Variants in AIG1 observed in about 807,000 individuals in gnomAD.
The protein encoded by AIG1 is androgen-induced gene 1 protein.
A neutral mutation model predicts 31.4 loss-of-function variants in AIG1; 23 were observed. The observed-to-expected ratio is 0.73, with a 90% CI of 0.53 to 1.04. The LOEUF (loss-of-function observed/expected upper bound fraction) is 1.04. AIG1 is among the 50% of genes least tolerant of loss of function. The pLI is 0.00. For missense variants in AIG1, 274 were observed against 295.0 expected, an observed-to-expected ratio of 0.93 and a Z score of 0.52; for synonymous variants, 100 against 110.5, an observed-to-expected ratio of 0.90 and a Z score of 0.60.
intron 1 of AIG1, among the ~76,000 whole-genome samples, chr6:143,110,900 G>T (rs1356812287): frequency 6.6e-6 from 1 of 152,114 alleles, no homozygotes; most frequent in Non-Finnish European, 1.5e-5. Context: ...TTGATGCAAA[G>T]CAAATGACCA....
chr6:143,304,087 CTT>C (rs1326110409), intron 4 of AIG1, among the ~76,000 whole-genome samples: 2 of 150,580 alleles, frequency 1.3e-5, no homozygotes, highest in Non-Finnish European at 3.0e-5. Flanking sequence ...TATCCTGAGA[CTT>C]TGCTGAAGTT....
intron 1 of AIG1, among the ~76,000 whole-genome samples, chr6:143,097,192 A>G (rs929460401): frequency 1.2e-4 from 18 of 151,956 alleles, no homozygotes; most frequent in Non-Finnish European, 8.8e-5. Flanking sequence ...TGCCTATCAG[A>G]TAGAATCTCC....
intron 3 of AIG1, among the ~76,000 whole-genome samples, chr6:143,220,832 TTC>T (rs926453675): frequency 2.6e-5 from 4 of 152,206 alleles, no homozygotes; most frequent in Non-Finnish European, 5.9e-5. Flanking sequence ...TTTTTAAAAG[TTC>T]TTTCTTATCT....
At chr6:143,077,239 G>A (rs1056973377) in intron 1 of AIG1, among the ~76,000 whole-genome samples, 2 of 152,132 alleles carry the variant, frequency 1.3e-5, no homozygotes, top group East Asian at 3.8e-4. Context: ...CAATAAATAT[G>A]TTAAAGAACT....
intron 3 of AIG1, among the ~76,000 whole-genome samples, chr6:143,210,171 C>T (rs1026346238): frequency 6.6e-6 from 1 of 152,214 alleles, no homozygotes; most frequent in African/African-American, 2.4e-5. Context: ...TCATTCTTCT[C>T]CTCCTGCCAC....
In AIG1 at chr6:143,199,619, C is replaced by A. The variant is rs2128605384; in HGVS notation, c.399+34436C>A. Reference sequence around the variant, plus strand: ...AGTTTCCAGTGTATTATTTATTCTGCATGCATATACCCAGAAAACTTATTT... The same window carrying A: ...AGTTTCCAGTGTATTATTTATTCTGAATGCATATACCCAGAAAACTTATTT... On this transcript the variant is annotated intron_variant, in intron 3 of 5. Coordinates refer to ENST00000357847, the MANE Select transcript of AIG1 (RefSeq NM_016108.4). 2.0e-5 allele frequency among the ~76,000 whole-genome samples: 3 copies of A among 152,226 alleles called. No homozygotes were observed. The South Asian group carries it at 6.2e-4, about 32-fold the overall frequency.
chr6:143,140,348 A>G (rs1006669760), intron 2 of AIG1, among the ~76,000 whole-genome samples: 1 of 152,118 alleles, frequency 6.6e-6, no homozygotes. Flanking sequence ...TTTTCACTAA[A>G]ACATTTAATT....
intron 3 of AIG1, among the ~76,000 whole-genome samples, chr6:143,166,532 A>T (rs1459922561): frequency 6.6e-6 from 1 of 152,212 alleles, no homozygotes; most frequent in Non-Finnish European, 1.5e-5. Context: ...GTGCTTGCAC[A>T]GCACTTTCAT....
At position 143,143,533 on chromosome 6, in the gene AIG1, A is replaced by ATATATATATATG. The variant is rs1191926444; in HGVS notation, c.297+6554_297+6555insGTATATATATAT. 2.5e-4 allele frequency among the ~76,000 whole-genome samples: 28 copies of ATATATATATATG among 112,604 alleles called. No individual in the cohort carries two copies. In the East Asian group the frequency reaches 2.9e-3, roughly 12 times the overall value. The allele number at this position is 112,604 out of a possible 152,430, so 73.9% of individuals were successfully genotyped here. ...AAAAAAAAAAAAAAAAAAAAAATAT[A>ATATATATATATG]TATATATATATATATATATATACAC... On this transcript the variant is annotated intron_variant, in intron 2 of 5. Coordinates refer to ENST00000357847, the MANE Select transcript of AIG1 (RefSeq NM_016108.4).
chr6:143,190,130 G>A (rs928608552), intron 3 of AIG1: 1 of 956,284 alleles, frequency 1.0e-6, no homozygotes, highest in African/African-American at 1.8e-5. Context: ...TATAACCTTA[G>A]AGGTTAGGGT....
In AIG1 at chr6:143,297,014, C is replaced by T. The variant is rs1336330826; in HGVS notation, c.515+12789C>T. On this transcript the variant is annotated intron_variant, in intron 4 of 5. Transcript: ENST00000357847. This position sits in a 1 kb window ranked among gnomAD's most constrained non-coding sequence, Gnocchi z 5.1. Reference sequence around the variant, plus strand: ...ACTATGGAAGAAGCTTCAGCTCTGTCCTCAAGGAGCTTACAGTCTATTGAA... The same window carrying T: ...ACTATGGAAGAAGCTTCAGCTCTGTTCTCAAGGAGCTTACAGTCTATTGAA... 4.6e-5 allele frequency among the ~76,000 whole-genome samples: 7 copies of T among 152,166 alleles called. No individual in the cohort carries two copies. The highest frequency in any genetic ancestry group is 2.9e-5 in the Non-Finnish European group (2 of 68,036).
At chr6:143,115,087 T>C (rs928796245) in intron 1 of AIG1, among the ~76,000 whole-genome samples, 3 of 152,226 alleles carry the variant, frequency 2.0e-5, no homozygotes, top group African/African-American at 7.2e-5. Flanking sequence ...AACCCACTTT[T>C]CTCTTAAGAT....
chr6:143,206,324 AACCATTAC>A (rs1791104507), intron 3 of AIG1, among the ~76,000 whole-genome samples: 2 of 152,224 alleles, frequency 1.3e-5, no homozygotes, highest in African/African-American at 4.8e-5. Flanking sequence ...CTTAATCTTT[AACCATTAC>A]ATTTTCTCTA....
intron 3 of AIG1, among the ~76,000 whole-genome samples, chr6:143,202,947 T>A (rs908926513): frequency 2.6e-5 from 4 of 152,136 alleles, no homozygotes; most frequent in Non-Finnish European, 5.9e-5. Flanking sequence ...ATTAGTAAAT[T>A]TGATGTGCAT....
chr6:143,287,522 A>T (rs1035481349), intron 4 of AIG1, among the ~76,000 whole-genome samples: 3 of 152,152 alleles, frequency 2.0e-5, no homozygotes, highest in Admixed American at 6.5e-5. Flanking sequence ...TGTGAAGAGT[A>T]ACTCTATGAA....
chr6:143,089,322 C>T (rs1008506962), intron 1 of AIG1, among the ~76,000 whole-genome samples: 4 of 152,010 alleles, frequency 2.6e-5, no homozygotes, highest in African/African-American at 9.7e-5. Flanking sequence ...ATATATTAGA[C>T]TTTATAATAT....
At chr6:143,274,699 C>T (rs771059289) in intron 3 of AIG1, among the ~76,000 whole-genome samples, 7 of 150,940 alleles carry the variant, frequency 4.6e-5, no homozygotes, top group Admixed American at 1.3e-4. Flanking sequence ...AATGAACAAA[C>T]GAGCATGGGA....
At chr6:143,060,690 C>A (rs1776136771), upstream of AIG1, 1 of 448,436 alleles carries the variant, frequency 2.2e-6, no homozygotes, top group South Asian at 1.6e-5. Flanking sequence ...CCTGCCAGGC[C>A]GCGGCCGGCA....
chr6:143,232,111 G>A (rs1793486019), intron 3 of AIG1, among the ~76,000 whole-genome samples: 1 of 152,222 alleles, frequency 6.6e-6, no homozygotes, highest in Non-Finnish European at 1.5e-5. Context: ...TGGCAAATGT[G>A]TGAAGGATCA....
Sources: gnomAD v4.1 joint callset for allele counts (sites outside exome capture counted in the v4.1 genomes callset) on GRCh38, gnomAD v4.1.1 for gene constraint, Gnocchi (gnomAD v3.1) non-coding constraint, MANE v1.5 for transcripts, NCBI Gene and HGNC (gene_info 2026-07-23, HGNC 2026-07-21) for gene names.